METAP2: variants seen among roughly 807,000 people sequenced by gnomAD.
METAP2 encodes the protein methionine aminopeptidase 2.
METAP2 carries 25 observed loss-of-function variants against 59.4 expected under a neutral mutation model. The ratio of observed to expected loss-of-function variants is 0.42; its 90% confidence interval spans 0.31 to 0.59. The LOEUF is 0.59. Ranked by LOEUF, METAP2 falls within the 20% of genes least tolerant of loss-of-function variation. The pLI, the probability that METAP2 is intolerant of heterozygous loss-of-function variation, is 0.16. For synonymous variants in METAP2, 214 were observed against 194.1 expected (o/e 1.10, Z -0.85); for missense variants, 366 against 581.2 (o/e 0.63, Z 3.81).
At chr12:95,482,126 G>C (rs2140140459) in intron 2 of METAP2, 1 of 453,076 alleles carries the variant, frequency 2.2e-6, no homozygotes, top group East Asian at 7.0e-5. Context: ...GTTGTTGTTA[G>C]GATACAAGAT....
chr12:95,500,924 A>G (rs549975005), intron 7 of METAP2, among the ~76,000 whole-genome samples: 1 of 151,014 alleles, frequency 6.6e-6, no homozygotes, highest in South Asian at 2.1e-4. Flanking sequence ...TTTTTAGAAA[A>G]GTTTGAGGAG....
intron 8 of METAP2, 115 bp from the exon 9 acceptor site, chr12:95,511,780 G>A: frequency 1.6e-6 from 1 of 637,394 alleles, no homozygotes; most frequent in South Asian, 2.2e-5. Flanking sequence ...AGGTTATTTA[G>A]TAAAGCCATA....
intron 2 of METAP2, among the ~76,000 whole-genome samples, chr12:95,476,516 A>G (rs1422790358): frequency 1.5e-5 from 2 of 131,520 alleles, no homozygotes; most frequent in African/African-American, 6.2e-5. Context: ...TCTCAAAAAA[A>G]AGAAAGAAAG....
At chr12:95,475,691 G>A (rs1417292679) in intron 1 of METAP2, among the ~76,000 whole-genome samples, 3 of 152,112 alleles carry the variant, frequency 2.0e-5, no homozygotes, top group Admixed American at 2.0e-4. Flanking sequence ...AAACCAGGCT[G>A]CCCCGGGGTG....
Position 95,476,152 on chromosome 12 carries a change from A to G in METAP2, c.233A>G (p.Asp78Gly), listed in dbSNP as rs1018118007. Residue 78 changes from aspartate to glycine, a missense_variant, in exon 2 of 11, where the codon GAT becomes GGT. Asp to Gly is a moderately conservative substitution (Grantham distance 94). Around this residue, in one of 4 missense-constraint regions of METAP2, gnomAD observed 177 missense variants for 180.3 expected, o/e 0.98. Transcript: ENST00000323666. ...CAGTTGGAAAGATCAGCATTGGAAGATAAAGAAAGAGATGAAGATGATGAA... is the reference window on the plus strand; with the variant it reads ...CAGTTGGAAAGATCAGCATTGGAAGGTAAAGAAAGAGATGAAGATGATGAA... ...ARQLERSALE[D>G]KERDEDDEDG... 13 of 1,608,160 alleles carry G rather than the reference A, an allele frequency of 8.1e-6. No homozygotes were observed. The highest frequency in any genetic ancestry group is 1.1e-5 in the Non-Finnish European group (13 of 1,176,440).
chr12:95,491,583 T>C (rs1029491703), intron 4 of METAP2, among the ~76,000 whole-genome samples: 1 of 147,748 alleles, frequency 6.8e-6, no homozygotes, highest in Non-Finnish European at 1.5e-5. Context: ...CAGTCTTGGC[T>C]CACTGCAACC....
At chr12:95,497,285 C>T (rs1021652247) in intron 7 of METAP2, among the ~76,000 whole-genome samples, 6 of 152,196 alleles carry the variant, frequency 3.9e-5, no homozygotes, top group African/African-American at 1.4e-4. Context: ...CTGGCAACCA[C>T]CATTCTACTA....
intron 7 of METAP2, 93 bp downstream of exon 7, chr12:95,496,191 T>C (rs1035133803): frequency 2.0e-5 from 14 of 709,426 alleles, no homozygotes; most frequent in Admixed American, 1.5e-4. Context: ...TTTTAAGGCC[T>C]GTTTAAGGGC....
chr12:95,511,096 T>G (rs1346696763), intron 8 of METAP2, among the ~76,000 whole-genome samples: 1 of 152,150 alleles, frequency 6.6e-6, no homozygotes, highest in Non-Finnish European at 1.5e-5. Context: ...GATGTTTAGA[T>G]TTTCTTTCTT....
intron 2 of METAP2, among the ~76,000 whole-genome samples, chr12:95,482,648 T>C (rs12314599): frequency 0.025 from 3,750 of 148,606 alleles, 161 homozygotes; most frequent in African/African-American, 0.086. Flanking sequence ...TAGATGGGCA[T>C]GGTGGCATGC....
Position 95,496,202 on chromosome 12 carries a change from T to C in METAP2, c.867+104T>C, listed in dbSNP as rs987856546. 2.8e-5 allele frequency: 18 copies of C among 640,134 alleles called. 1 individual carries two copies. Among genetic ancestry groups the C allele is most frequent in the Non-Finnish European group, 4.5e-5 (17 of 374,810 alleles). The allele number at this position is 640,134 out of a possible 1,614,324, so 39.7% of individuals were successfully genotyped here. A position where few individuals can be genotyped will look rare whatever the true frequency, so the allele number is the denominator to read the frequency against. ...GCACTTTTAAGGCCTGTTTAAGGGCTTTGGGTAATTAAGAGGAATAAAATT... is the reference window on the plus strand; with the variant it reads ...GCACTTTTAAGGCCTGTTTAAGGGCCTTGGGTAATTAAGAGGAATAAAATT... On this transcript the variant is annotated intron_variant, in intron 7 of 10. Coordinates refer to ENST00000323666, the MANE Select transcript of METAP2 (RefSeq NM_006838.4).
rs3751215 is a variant in METAP2 at position 95,514,058 on chromosome 12, A to G, written c.*154A>G. On this transcript the variant is annotated 3_prime_UTR_variant, in exon 11 of 11. Transcript: ENST00000323666. Reference sequence around the variant, plus strand: ...AAAAGAAGGAATTTGGACAAAGGCAAACCGTCTAATGTAATTAACCAACGA... The same window carrying G: ...AAAAGAAGGAATTTGGACAAAGGCAGACCGTCTAATGTAATTAACCAACGA... 24,375 of 922,234 alleles carry G rather than the reference A, an allele frequency of 0.026. 446 individuals carry two copies. The highest frequency in any genetic ancestry group is 0.056 in the South Asian group (2,600 of 46,412). 57.1% of individuals were successfully genotyped at this position (922,234 alleles called of 1,614,324 possible).
intron 2 of METAP2, among the ~76,000 whole-genome samples, chr12:95,481,912 C>T (rs1486652014): frequency 6.6e-6 from 1 of 152,166 alleles, no homozygotes; most frequent in African/African-American, 2.4e-5. Context: ...ATTGTTTCTC[C>T]AGAACAGAAA....
At chr12:95,502,787 G>A (rs1432173176) in intron 7 of METAP2, among the ~76,000 whole-genome samples, 1 of 151,652 alleles carries the variant, frequency 6.6e-6, no homozygotes, top group African/African-American at 2.4e-5. Flanking sequence ...GATTTCCCTT[G>A]TCCTTATCTT....
intron 2 of METAP2, among the ~76,000 whole-genome samples, chr12:95,477,841 A>G (rs1318159868): frequency 6.6e-6 from 1 of 152,250 alleles, no homozygotes; most frequent in Non-Finnish European, 1.5e-5. Context: ...GCCAAGATTC[A>G]AGGGAATTAC....
In METAP2 at chr12:95,474,257, A is replaced by G. The variant is rs1346483420; in HGVS notation, c.78A>G (p.Gly26=). 6.8e-6 allele frequency: 11 copies of G among 1,614,142 alleles called. No individual in the cohort carries two copies. Among genetic ancestry groups the G allele is most frequent in the Middle Eastern group, 1.6e-4 (1 of 6,084 alleles). Residue 26 remains glycine (G), a synonymous_variant, in exon 1 of 11, where the codon GGA becomes GGG. Transcript: ENST00000323666. ...GDLDPDDREE[G]AASTAEEAAK... is the part of the protein sequence containing the mutation. ...TGGATCCAGACGACAGGGAAGAAGG[A>G]GCTGCCTCTACGGCTGAGGAAGCAG...
intron 8 of METAP2, among the ~76,000 whole-genome samples, chr12:95,504,462 G>A (rs577737966): frequency 6.6e-6 from 1 of 152,302 alleles, no homozygotes; most frequent in East Asian, 1.9e-4. Context: ...TGCCATTGAT[G>A]ACTTCTCATT....
chr12:95,489,881 A>G (rs184428422), intron 4 of METAP2, among the ~76,000 whole-genome samples: 167 of 152,314 alleles, frequency 1.1e-3, no homozygotes, highest in African/African-American at 3.7e-3. Flanking sequence ...ATGATTTTGT[A>G]CTTCCAGAAA....
intron 8 of METAP2, among the ~76,000 whole-genome samples, chr12:95,508,147 T>C (rs963301159): frequency 6.6e-6 from 1 of 152,158 alleles, no homozygotes; most frequent in East Asian, 1.9e-4. Context: ...TATTTTTACA[T>C]TAAGACATGA....
Sources: gnomAD v4.1 joint callset for allele counts (sites outside exome capture counted in the v4.1 genomes callset) on GRCh38, gnomAD v4.1.1 for gene constraint, gnomAD v4.1.1 regional missense constraint, MANE v1.5 for transcripts, NCBI Gene and HGNC (gene_info 2026-07-23, HGNC 2026-07-21) for gene names.